CAMK1D: variants seen among roughly 807,000 people sequenced by gnomAD.
CAMK1D encodes the protein calcium/calmodulin dependent protein kinase ID, also known as calcium/calmodulin-dependent protein kinase type 1D.
Under a neutral mutation model 47.7 loss-of-function variants are expected in CAMK1D, and 9 were observed. The observed-to-expected ratio is 0.19, with a 90% CI of 0.11 to 0.33. CAMK1D has a LOEUF of 0.33. CAMK1D is among the 10% of genes least tolerant of loss of function. CAMK1D has a pLI of 1.00. For synonymous variants in CAMK1D, 184 were observed against 184.9 expected (o/e 0.99, Z 0.04); for missense variants, 291 against 488.7 (o/e 0.60, Z 3.81).
rs1443362102 is a variant in CAMK1D at position 12,827,439 on chromosome 10, CTTT to C, written c.1040-1329_1040-1327del. ...TCTTTCTTTCCTTCCTTCCTTCCTTCTTTCTTTCTTTCTTTTCTTTCTTTGTCT... is the reference window on the plus strand; with the variant it reads ...TCTTTCTTTCCTTCCTTCCTTCCTTCCTTTCTTTCTTTTCTTTCTTTGTCT... On this transcript the variant is annotated intron_variant, in intron 10 of 10. Transcript: ENST00000619168. Among the ~76,000 whole-genome samples the C allele has an allele frequency of 1.3e-3, 177 of 131,402 alleles. 53 individuals carry two copies. The highest frequency in any genetic ancestry group is 1.8e-3 in the East Asian group (8 of 4,474). The allele number at this position is 131,402 out of a possible 152,430, so 86.2% of individuals were successfully genotyped here.
chr10:12,542,617 T>A (rs1836232205), intron 1 of CAMK1D, among the ~76,000 whole-genome samples: 2 of 152,236 alleles, frequency 1.3e-5, no homozygotes, highest in South Asian at 4.1e-4. Context: ...TCCATTCGAC[T>A]AAGAGTTTTG....
At chr10:12,552,428 C>T (rs1836615106) in intron 1 of CAMK1D, among the ~76,000 whole-genome samples, 1 of 152,188 alleles carries the variant, frequency 6.6e-6, no homozygotes, top group Admixed American at 6.5e-5. Context: ...TATCCTTACC[C>T]AGCTGGGAAG....
At chr10:12,385,642 A>G (rs1838469646) in intron 1 of CAMK1D, among the ~76,000 whole-genome samples, 1 of 152,142 alleles carries the variant, frequency 6.6e-6, no homozygotes. Context: ...GATCAAAGGT[A>G]CAGTGTTTCT....
At chr10:12,558,178 G>T (rs543977872) in intron 2 of CAMK1D, among the ~76,000 whole-genome samples, 7 of 152,162 alleles carry the variant, frequency 4.6e-5, no homozygotes, top group Non-Finnish European at 1.0e-4. Flanking sequence ...AAACATCATC[G>T]GTGTTATTCT....
intron 1 of CAMK1D, among the ~76,000 whole-genome samples, chr10:12,484,688 AGT>A (rs1484368297): frequency 6.6e-6 from 1 of 152,154 alleles, no homozygotes; most frequent in African/African-American, 2.4e-5. Context: ...AGATGTGGAA[AGT>A]GTCTTCCAGG....
chr10:12,762,062 A>G (rs770307772), intron 4 of CAMK1D, among the ~76,000 whole-genome samples: 3 of 152,198 alleles, frequency 2.0e-5, no homozygotes, highest in Non-Finnish European at 2.9e-5. Flanking sequence ...GTCAAACACA[A>G]TAGTACTGAA....
chr10:12,576,471 A>G (rs967930916), intron 2 of CAMK1D, among the ~76,000 whole-genome samples: 4 of 152,098 alleles, frequency 2.6e-5, no homozygotes, highest in Admixed American at 6.6e-5. Flanking sequence ...TTTTATTATT[A>G]TTACATTATA....
At chr10:12,579,269 C>A (rs951256081) in intron 2 of CAMK1D, among the ~76,000 whole-genome samples, 3 of 152,174 alleles carry the variant, frequency 2.0e-5, no homozygotes, top group African/African-American at 7.2e-5. Flanking sequence ...GTTACAGAGT[C>A]CTGCATAGCA....
intron 3 of CAMK1D, among the ~76,000 whole-genome samples, chr10:12,703,563 A>G (rs979192078): frequency 2.0e-5 from 3 of 152,176 alleles, no homozygotes; most frequent in Admixed American, 6.5e-5. Context: ...TGTCGCCCAG[A>G]TACTTTCAAG....
At chr10:12,579,414 T>G (rs1051226288) in intron 2 of CAMK1D, among the ~76,000 whole-genome samples, 2 of 152,186 alleles carry the variant, frequency 1.3e-5, no homozygotes, top group African/African-American at 4.8e-5. Context: ...TTAAGCCAAT[T>G]TAATCATGTA....
chr10:12,518,167 A>G (rs1007961114), intron 1 of CAMK1D, among the ~76,000 whole-genome samples: 1 of 152,248 alleles, frequency 6.6e-6, no homozygotes, highest in African/African-American at 2.4e-5. Flanking sequence ...AAAGCTAAGC[A>G]TTAGCAAACT....
intron 2 of CAMK1D, among the ~76,000 whole-genome samples, chr10:12,580,890 T>C (rs934488942): frequency 6.6e-6 from 1 of 152,228 alleles, no homozygotes; most frequent in Non-Finnish European, 1.5e-5. Flanking sequence ...TGTGCTTTTT[T>C]CCTTTATTTT....
chr10:12,373,425 A>T lies in CAMK1D; in HGVS notation c.92+23515A>T, dbSNP rs542827549. Among the ~76,000 whole-genome samples, 554 of 152,148 alleles carry T rather than the reference A, an allele frequency of 3.6e-3. 7 individuals are homozygous for T. The East Asian group carries it at 0.037, about 10-fold the overall frequency. ...CGCGGGTGGGTCACCTGAGGTCGGG[A>T]GTTTGAGACCAGCCTGGCCAACATG... On this transcript the variant is annotated intron_variant, in intron 1 of 10. Transcript: ENST00000619168.
At chr10:12,449,964 C>T (rs1036576736) in intron 1 of CAMK1D, among the ~76,000 whole-genome samples, 10 of 152,166 alleles carry the variant, frequency 6.6e-5, no homozygotes, top group African/African-American at 2.4e-4. Flanking sequence ...CACCACTGTA[C>T]TCCAGCCTGG....
chr10:12,566,721 T>C (rs1232822991), intron 2 of CAMK1D, among the ~76,000 whole-genome samples: 1 of 152,208 alleles, frequency 6.6e-6, no homozygotes, highest in East Asian at 1.9e-4. Flanking sequence ...CAGAGCCTCT[T>C]TCAGGAGAAT....
Position 12,709,760 on chromosome 10 carries a change from A to AT in CAMK1D, c.299+42953dup, listed in dbSNP as rs550592290. Among the ~76,000 whole-genome samples, 6 of 152,332 alleles carry AT rather than the reference A, an allele frequency of 3.9e-5. No homozygotes were observed. In the South Asian group the frequency reaches 1.2e-3, roughly 32 times the overall value. ...CCTCGGGAAAACATTCAAATTTATG[A>AT]TTTAATCAGCTTCAAAGTATTTCTG... On this transcript the variant is annotated intron_variant, in intron 3 of 10. Transcript: ENST00000619168.
intron 1 of CAMK1D, among the ~76,000 whole-genome samples, chr10:12,522,772 G>T (rs557399239): frequency 6.7e-6 from 1 of 150,168 alleles, no homozygotes; most frequent in African/African-American, 2.5e-5. Flanking sequence ...CAGAAGGGGC[G>T]GCCGGGCAGA....
chr10:12,436,776 T>C (rs893171547), intron 1 of CAMK1D, among the ~76,000 whole-genome samples: 1 of 152,126 alleles, frequency 6.6e-6, no homozygotes, highest in African/African-American at 2.4e-5. Context: ...TCTATGGTAT[T>C]TTTAGAGCTT....
At chr10:12,442,027 A>T (rs1292140939) in intron 1 of CAMK1D, among the ~76,000 whole-genome samples, 1 of 152,302 alleles carries the variant, frequency 6.6e-6, no homozygotes, top group Non-Finnish European at 1.5e-5. Context: ...GGAAATGTGT[A>T]TTTTTCAAGT....
Sources: gnomAD v4.1 joint callset for allele counts (sites outside exome capture counted in the v4.1 genomes callset) on GRCh38, gnomAD v4.1.1 for gene constraint, MANE v1.5 for transcripts, NCBI Gene and HGNC (gene_info 2026-07-23, HGNC 2026-07-21) for gene names.